NRXN1: variants seen among roughly 807,000 people sequenced by gnomAD.
NRXN1 encodes neurexin-1.
A neutral mutation model predicts 150.9 loss-of-function variants in NRXN1; 39 were observed. That is an observed-to-expected ratio of 0.26 (90% confidence interval 0.20 to 0.34). The LOEUF is 0.34. Ranked by LOEUF, NRXN1 falls within the 10% of genes least tolerant of loss-of-function variation. The probability of loss-of-function intolerance (pLI) is 1.00; values close to 1 mark genes in which losing one functional copy is unlikely to be tolerated. For missense variants in NRXN1, 1,815 were observed against 1,949.9 expected, an observed-to-expected ratio of 0.93 and a Z score of 1.30; for synonymous variants, 924 against 757.0, an observed-to-expected ratio of 1.22 and a Z score of -3.62.
At chr2:50,990,726 GACA>G (rs1356487777) in intron 2 of NRXN1, among the ~76,000 whole-genome samples, 1 of 151,934 alleles carries the variant, frequency 6.6e-6, no homozygotes, top group Non-Finnish European at 1.5e-5. Flanking sequence ...AACTCAACAA[GACA>G]ACGTCTTGCT....
chr2:50,825,088 T>C (rs552090584), intron 5 of NRXN1, among the ~76,000 whole-genome samples: 1 of 152,272 alleles, frequency 6.6e-6, no homozygotes, highest in East Asian at 1.9e-4. Context: ...GCTTCCAACG[T>C]ATCTATAGTT....
intron 10 of NRXN1, among the ~76,000 whole-genome samples, chr2:50,535,418 G>A (rs184890404): frequency 3.8e-4 from 58 of 152,292 alleles, no homozygotes; most frequent in Non-Finnish European, 6.3e-4. Context: ...CAGTTTTGCC[G>A]AAAGGCAGTC....
At chr2:49,926,197 T>C (rs891521530) in intron 22 of NRXN1, 3 of 395,494 alleles carry the variant, frequency 7.6e-6, no homozygotes. Flanking sequence ...CATTTCATAT[T>C]TATATTCACT....
chr2:50,556,555 C>T (rs1489502800), intron 8 of NRXN1, among the ~76,000 whole-genome samples: 5 of 146,278 alleles, frequency 3.4e-5, no homozygotes, highest in South Asian at 2.1e-4. Context: ...TTTACTTCCT[C>T]GCTTCATGGG....
chr2:50,488,212 T>A (rs1184952846), intron 15 of NRXN1, among the ~76,000 whole-genome samples: 1 of 152,198 alleles, frequency 6.6e-6, no homozygotes, highest in East Asian at 1.9e-4. Flanking sequence ...CCTATCCCCA[T>A]ATTTCTTTAA....
chr2:50,326,757 G>A (rs755651286), intron 17 of NRXN1, among the ~76,000 whole-genome samples: 5 of 152,072 alleles, frequency 3.3e-5, no homozygotes, highest in Non-Finnish European at 7.4e-5. Context: ...GCTTTAAAGG[G>A]TATATTTTGT....
At chr2:50,047,976 T>G (rs1373079474) in intron 21 of NRXN1, among the ~76,000 whole-genome samples, 2 of 152,054 alleles carry the variant, frequency 1.3e-5, no homozygotes, top group African/African-American at 4.8e-5. Context: ...AAAACCAAGC[T>G]TGCATCTACC....
At chr2:50,696,380 A>G (rs1692867096) in intron 5 of NRXN1, 1 of 152,626 alleles carries the variant, frequency 6.6e-6, no homozygotes, top group African/African-American at 2.4e-5. Context: ...TAAGAAAAAC[A>G]GTCTCAGAAG....
chr2:50,410,405 C>T (rs1027344274), intron 17 of NRXN1, among the ~76,000 whole-genome samples: 3 of 152,156 alleles, frequency 2.0e-5, no homozygotes, highest in Admixed American at 1.3e-4. Flanking sequence ...TACTTTTGTA[C>T]CTATCTGCCT....
chr2:50,501,448 G>C (rs1573280861), intron 13 of NRXN1, among the ~76,000 whole-genome samples: 3 of 143,224 alleles, frequency 2.1e-5, no homozygotes, highest in Non-Finnish European at 4.7e-5. Flanking sequence ...GTGGGTGCAA[G>C]AGATTGGAGA....
chr2:50,428,870 C>T lies in NRXN1; in HGVS notation c.3364+36572G>A, dbSNP rs576130894. 2.3e-4 allele frequency among the ~76,000 whole-genome samples: 35 copies of T among 152,208 alleles called. 1 individual carries two copies. The highest frequency in any genetic ancestry group is 8.4e-4 in the African/African-American group (35 of 41,514). On this transcript the variant is annotated intron_variant, in intron 17 of 22. Transcript: ENST00000401669. ...GAATAGAAGAGGAAAAATAACTTTG[C>T]CAATGTCACACAGCTTCTAAGTACC...
chr2:50,783,697 T>G lies in NRXN1; in HGVS notation c.832+138172A>C, dbSNP rs994465677. Among the ~76,000 whole-genome samples the G allele has an allele frequency of 2.6e-5, 4 of 152,128 alleles. No individual in the cohort carries two copies. In the South Asian group the frequency reaches 6.2e-4, roughly 24 times the overall value. ...TAGTACTCTAGCTACATAAAACACT[T>G]GGTAATATACATACTAGTTTATTGT... On this transcript the variant is annotated intron_variant, in intron 5 of 22. Coordinates refer to ENST00000401669, the MANE Select transcript of NRXN1 (RefSeq NM_001330078.2).
intron 18 of NRXN1, among the ~76,000 whole-genome samples, chr2:50,182,322 C>CA (rs1187395760): frequency 6.6e-6 from 1 of 151,828 alleles, no homozygotes; most frequent in Admixed American, 6.6e-5. Context: ...TCTTCTAGAT[C>CA]AAAAAATGTA....
At chr2:50,448,337 A>C (rs549076277) in intron 17 of NRXN1, among the ~76,000 whole-genome samples, 1 of 152,314 alleles carries the variant, frequency 6.6e-6, no homozygotes, top group South Asian at 2.1e-4. Flanking sequence ...ATTAAAGAAT[A>C]GAACGGCAAA....
chr2:50,219,929 ATATATAT>A (rs1385698940), intron 18 of NRXN1, among the ~76,000 whole-genome samples: 1 of 77,972 alleles, frequency 1.3e-5, no homozygotes, highest in East Asian at 2.8e-4. Context: ...TCTCTATATT[ATATATAT>A]TATATATTAT....
chr2:50,815,465 T>A (rs926504932), intron 5 of NRXN1, among the ~76,000 whole-genome samples: 51 of 152,308 alleles, frequency 3.3e-4, no homozygotes, highest in African/African-American at 1.2e-3. Context: ...ATTTCAAGCA[T>A]TGGGTCATTT....
intron 5 of NRXN1, among the ~76,000 whole-genome samples, chr2:50,707,459 T>A (rs1256049528): frequency 6.6e-6 from 1 of 152,220 alleles, no homozygotes; most frequent in Non-Finnish European, 1.5e-5. Context: ...GCAGTTCTGA[T>A]ACCCATTTCA....
At chr2:50,122,672 C>T (rs1474992707) in intron 18 of NRXN1, among the ~76,000 whole-genome samples, 1 of 152,230 alleles carries the variant, frequency 6.6e-6, no homozygotes, top group African/African-American at 2.4e-5. Context: ...GACTCATTTC[C>T]AGCTCCCAGA....
chr2:50,937,840 C>A (rs114827731), intron 2 of NRXN1, among the ~76,000 whole-genome samples: 6 of 152,042 alleles, frequency 3.9e-5, no homozygotes, highest in Non-Finnish European at 7.4e-5. Flanking sequence ...AATGGGGATA[C>A]GTTTCAAGAA....
Sources: gnomAD v4.1 joint callset for allele counts (sites outside exome capture counted in the v4.1 genomes callset) on GRCh38, gnomAD v4.1.1 for gene constraint, MANE v1.5 for transcripts, NCBI Gene and HGNC (gene_info 2026-07-23, HGNC 2026-07-21) for gene names.